The following TRPM1 variants were observed in gnomAD, a reference collection of about 807,000 sequenced individuals.
The protein encoded by TRPM1 is TRPM1-203 APA Isoform, Intron 10.
In TRPM1, 113 loss-of-function variants were observed where a neutral mutation model predicts 149.4. The ratio of observed to expected loss-of-function variants is 0.76; its 90% CI spans 0.65 to 0.88. The LOEUF (loss-of-function observed/expected upper bound fraction) is 0.88, where lower values mean the gene tolerates loss of function less well. Among genes scored for constraint, TRPM1 ranks in the 40% least tolerant of loss-of-function variants. The pLI, the probability that TRPM1 is intolerant of heterozygous loss-of-function variation, is 0.00. For missense variants in TRPM1, 1,976 were observed against 2,038.7 expected, an observed-to-expected ratio of 0.97 and a Z score of 0.59; for synonymous variants, 741 against 759.5, an observed-to-expected ratio of 0.98 and a Z score of 0.40.
chr15:31,128,746 G>A (rs919305306), intron 1 of TRPM1, among the ~76,000 whole-genome samples: 8 of 152,218 alleles, frequency 5.3e-5, no homozygotes, highest in African/African-American at 1.9e-4. Context: ...CCCTTGGGTG[G>A]GCGACCTGTG....
Position 31,008,465 on chromosome 15 carries a change from T to G in TRPM1, c.3630-5395A>C, listed in dbSNP as rs146273164. ...ATTGCTAGAAACATATAGGGTTTTT[T>G]CCTTTAAATCATTAATATGGTGGAT... is the stretch of plus-strand genomic sequence containing the variant. On this transcript the variant is annotated intron_variant, in intron 27 of 27. Transcript: ENST00000256552. Among the ~76,000 whole-genome samples, 7 of 152,368 alleles carry G rather than the reference T, an allele frequency of 4.6e-5. No homozygotes were observed. In the South Asian group the frequency reaches 8.3e-4, roughly 18 times the overall value.
chr15:31,084,187 T>A (rs1422741992), intron 1 of TRPM1, among the ~76,000 whole-genome samples: 1 of 152,204 alleles, frequency 6.6e-6, no homozygotes, highest in Non-Finnish European at 1.5e-5. Context: ...TTCTTTGTAC[T>A]TTCTTTTTTA....
chr15:31,104,793 A>G (rs528506747), upstream of TRPM1, among the ~76,000 whole-genome samples: 3 of 151,734 alleles, frequency 2.0e-5, no homozygotes, highest in African/African-American at 7.3e-5. Flanking sequence ...ACTGGGTTTC[A>G]CCGTGTTGGC....
chr15:31,081,383 A>G lies in TRPM1; in HGVS notation c.-28T>C. On this transcript the variant is annotated 5_prime_UTR_variant, in exon 2 of 28. Coordinates refer to ENST00000256552, the MANE Select transcript of TRPM1 (RefSeq NM_001252024.2). Reference sequence around the variant, plus strand: ...GTTTTCAAAAAGTTGATATAAGGAAATAGCCTCAGTCCAGCACTGCAAGTT... The same window carrying G: ...GTTTTCAAAAAGTTGATATAAGGAAGTAGCCTCAGTCCAGCACTGCAAGTT... The G allele has an allele frequency of 1.3e-6, 2 of 1,535,026 alleles. No homozygotes were observed. The highest frequency in any genetic ancestry group is 1.7e-6 in the Non-Finnish European group (2 of 1,146,550).
intron 1 of TRPM1, among the ~76,000 whole-genome samples, chr15:31,143,904 A>C (rs2036190918): frequency 6.6e-6 from 1 of 152,192 alleles, no homozygotes; most frequent in South Asian, 2.1e-4. Context: ...GGTTATTTGC[A>C]TAACTTCAAT....
chr15:31,125,253 G>A (rs951370605), intron 1 of TRPM1, among the ~76,000 whole-genome samples: 1 of 152,104 alleles, frequency 6.6e-6, no homozygotes, highest in African/African-American at 2.4e-5. Context: ...GTAAACTCTG[G>A]GCTTCAGTTA....
chr15:31,123,586 A>AT (rs1427438837), intron 1 of TRPM1, among the ~76,000 whole-genome samples: 2 of 152,328 alleles, frequency 1.3e-5, no homozygotes, highest in Admixed American at 6.5e-5. Flanking sequence ...GCTCAATATC[A>AT]TTTTTTATCA....
intron 27 of TRPM1, among the ~76,000 whole-genome samples, chr15:31,004,011 C>T (rs2031887505): frequency 6.6e-6 from 1 of 152,074 alleles, no homozygotes; most frequent in Non-Finnish European, 1.5e-5. Flanking sequence ...GCAAGGTATG[C>T]CCAGGATTGA....
At chr15:31,089,856 A>C (rs372061964) in intron 1 of TRPM1, among the ~76,000 whole-genome samples, 2 of 152,272 alleles carry the variant, frequency 1.3e-5, no homozygotes, top group East Asian at 1.9e-4. Context: ...GAGTAAGGGG[A>C]TAACTGTGCC....
upstream of TRPM1, among the ~76,000 whole-genome samples, chr15:31,103,335 G>A (rs28456199): frequency 0.074 from 11,325 of 152,298 alleles, 533 homozygotes; most frequent in South Asian, 0.15. Context: ...CAGGCCACGC[G>A]TGGCTATGGA....
chr15:31,022,891 A>G (rs1046465554), intron 27 of TRPM1, among the ~76,000 whole-genome samples: 2 of 152,216 alleles, frequency 1.3e-5, no homozygotes, highest in Non-Finnish European at 2.9e-5. Flanking sequence ...GCGTGGTGGC[A>G]CATACATGTA....
intron 11 of TRPM1, among the ~76,000 whole-genome samples, chr15:31,053,287 G>A (rs756673262): frequency 4.6e-5 from 7 of 152,002 alleles, no homozygotes; most frequent in Admixed American, 2.0e-4. Context: ...TTTTGCTCTT[G>A]TTGCCCAGGC....
chr15:31,084,852 T>C (rs2034957857), intron 1 of TRPM1, among the ~76,000 whole-genome samples: 1 of 150,448 alleles, frequency 6.6e-6, no homozygotes, highest in South Asian at 2.1e-4. Context: ...TTTTTTTTTT[T>C]TTTTTGGTAT....
intron 1 of TRPM1, among the ~76,000 whole-genome samples, chr15:31,130,894 G>C (rs951287073): frequency 2.0e-5 from 3 of 152,110 alleles, no homozygotes; most frequent in African/African-American, 7.2e-5. Flanking sequence ...TCTCCCGTAC[G>C]GCCAGCTCTG....
intron 1 of TRPM1, among the ~76,000 whole-genome samples, chr15:31,095,277 G>A (rs1481718099): frequency 6.6e-6 from 1 of 152,234 alleles, no homozygotes; most frequent in East Asian, 1.9e-4. Flanking sequence ...AGTGTTGGAA[G>A]TAAGGACAGA....
intron 27 of TRPM1, among the ~76,000 whole-genome samples, chr15:31,016,992 A>ACC (rs2140885629): frequency 7.4e-6 from 1 of 135,904 alleles, no homozygotes; most frequent in South Asian, 2.6e-4. Flanking sequence ...CACACACAAA[A>ACC]AAAAAACTTG....
chr15:31,136,269 G>A (rs922253132), intron 1 of TRPM1, among the ~76,000 whole-genome samples: 4 of 152,094 alleles, frequency 2.6e-5, no homozygotes, highest in Non-Finnish European at 5.9e-5. Context: ...GTCTGGAGGC[G>A]GAGACATTAG....
rs779719509 is a variant in TRPM1, at chr15:31,037,705, C to A, written c.2571+6G>T. ...TGAATGTCAAATGTTCAGGAGGAGG[C>A]CTCACTGTGTAAAACCAGAACTTGA... is the stretch of plus-strand genomic sequence containing the variant. On this transcript the variant is annotated splice_donor_region_variant and intron_variant, in intron 20 of 27. Transcript: ENST00000256552. The A allele has an allele frequency of 1.2e-6, 2 of 1,614,158 alleles. No individual in the cohort carries two copies. Among genetic ancestry groups the A allele is most frequent in the South Asian group, 2.2e-5 (2 of 91,082 alleles).
chr15:31,011,666 C>CTT lies in TRPM1; in HGVS notation c.3630-8598_3630-8597dup, dbSNP rs71106664. Among the ~76,000 whole-genome samples, 406 of 138,888 alleles carry CTT rather than the reference C, an allele frequency of 2.9e-3. 1 individual carries two copies. Among genetic ancestry groups the CTT allele is most frequent in the South Asian group, 0.012 (52 of 4,332 alleles). 91.1% of individuals were successfully genotyped at this position (138,888 alleles called of 152,430 possible). A position where few individuals can be genotyped will look rare whatever the true frequency, so the allele number is the denominator to read the frequency against. On this transcript the variant is annotated intron_variant, in intron 27 of 27. Transcript: ENST00000256552. ...GTCTACTTTAATTTAATGCCAATTA[C>CTT]TTTTTTTTTTTTTTTTGAGATGGAG...
Sources: allele counts gnomAD v4.1 joint callset (sites outside exome capture counted in the v4.1 genomes callset), GRCh38; gene constraint gnomAD v4.1.1; transcripts MANE v1.5; gene names NCBI Gene and HGNC (gene_info 2026-07-23, HGNC 2026-07-21).